TENM3: variants seen among roughly 807,000 people sequenced by gnomAD.
TENM3 encodes the protein teneurin transmembrane protein 3.
In TENM3, 63 loss-of-function variants were observed where a neutral mutation model predicts 255.1. The ratio of observed to expected loss-of-function variants is 0.25; its 90% CI spans 0.20 to 0.30. TENM3 has a LOEUF of 0.30. Ranked by LOEUF, TENM3 falls within the 10% of genes least tolerant of loss-of-function variation. TENM3 has a pLI of 1.00. For synonymous variants in TENM3, 1,306 were observed against 1,322.3 expected, an observed-to-expected ratio of 0.99 and a Z score of 0.27; for missense variants, 2,929 against 3,461.1, an observed-to-expected ratio of 0.85 and a Z score of 3.86.
At chr4:182,644,399 T>C (rs907953278) in intron 5 of TENM3, among the ~76,000 whole-genome samples, 3 of 152,212 alleles carry the variant, frequency 2.0e-5, no homozygotes, top group African/African-American at 4.8e-5. Context: ...TATAATTTTC[T>C]TTAATTACAC....
chr4:181,816,078 T>C, the TENM3 span, among the ~76,000 whole-genome samples: 121 of 152,336 alleles, frequency 7.9e-4, 1 homozygote, highest in African/African-American at 2.8e-3. Flanking sequence ...CCTGCTAACA[T>C]TTTTGTTTCA....
chr4:181,947,371 G>A, the TENM3 span, among the ~76,000 whole-genome samples: 41 of 152,210 alleles, frequency 2.7e-4, 1 homozygote, highest in South Asian at 8.1e-3. Context: ...TTAATAGACA[G>A]GTTTTATGAT....
the TENM3 span, among the ~76,000 whole-genome samples, chr4:181,542,329 G>A: frequency 1.1e-4 from 16 of 152,182 alleles, no homozygotes; most frequent in Non-Finnish European, 2.2e-4. Flanking sequence ...TGCAGAAACA[G>A]CATCTAAATC....
At chr4:182,543,188 GGGATGCATGGAT>G (rs1741067557) in intron 3 of TENM3, among the ~76,000 whole-genome samples, 1 of 150,804 alleles carries the variant, frequency 6.6e-6, no homozygotes, top group Admixed American at 6.6e-5. Context: ...CAAGGATGGA[GGGATGCATGGAT>G]GGATGCAAGG....
chr4:181,469,843 T>C, the TENM3 span, among the ~76,000 whole-genome samples: 1 of 152,286 alleles, frequency 6.6e-6, no homozygotes, highest in East Asian at 1.9e-4. Context: ...ATCTTTATAC[T>C]TAAGCCTTTA....
At chr4:181,608,557 G>A in the TENM3 span, among the ~76,000 whole-genome samples, 8 of 150,864 alleles carry the variant, frequency 5.3e-5, no homozygotes, top group South Asian at 4.2e-4. Flanking sequence ...GGATTGGACC[G>A]GCTAATTTTA....
At chr4:182,075,606 G>T in the TENM3 span, among the ~76,000 whole-genome samples, 50 of 152,208 alleles carry the variant, frequency 3.3e-4, no homozygotes, top group African/African-American at 1.2e-3. Context: ...TCAAGAGATG[G>T]CCTCTGTGGT....
the TENM3 span, among the ~76,000 whole-genome samples, chr4:181,501,581 G>GT: frequency 6.6e-6 from 1 of 151,836 alleles, no homozygotes; most frequent in Admixed American, 6.6e-5. Flanking sequence ...GGTTTCACTA[G>GT]GTTGGCCAGG....
the TENM3 span, among the ~76,000 whole-genome samples, chr4:181,699,833 G>T: frequency 6.6e-6 from 1 of 152,310 alleles, no homozygotes; most frequent in South Asian, 2.1e-4. Context: ...CACAATTAAC[G>T]AAAGGCTGCC....
At chr4:181,767,243 C>T in the TENM3 span, among the ~76,000 whole-genome samples, 3 of 121,280 alleles carry the variant, frequency 2.5e-5, no homozygotes, top group Non-Finnish European at 4.9e-5. Context: ...GAGTGCGAGA[C>T]TCCGTCTCAA....
intron 24 of TENM3, among the ~76,000 whole-genome samples, chr4:182,782,920 C>G (rs1242975530): frequency 6.6e-6 from 1 of 151,524 alleles, no homozygotes; most frequent in East Asian, 1.9e-4. Context: ...AGATCTTCCT[C>G]CATCCTTTTA....
chr4:182,473,907 A>G (rs929417185), intron 3 of TENM3, among the ~76,000 whole-genome samples: 1 of 151,200 alleles, frequency 6.6e-6, no homozygotes, highest in Middle Eastern at 3.4e-3. Context: ...GCAGTGAGCT[A>G]TGATTGTGCC....
At chr4:181,732,354 C>T in the TENM3 span, among the ~76,000 whole-genome samples, 1 of 152,200 alleles carries the variant, frequency 6.6e-6, no homozygotes, top group African/African-American at 2.4e-5. Context: ...AAACATCCCT[C>T]TACTAACTTG....
At chr4:182,692,958 C>T (rs552380976) in intron 12 of TENM3, among the ~76,000 whole-genome samples, 1 of 151,918 alleles carries the variant, frequency 6.6e-6, no homozygotes, top group Admixed American at 6.5e-5. Context: ...AGGATTTTTT[C>T]GCTGTTGATA....
At chr4:182,598,151 A>G (rs1747459256) in intron 3 of TENM3, among the ~76,000 whole-genome samples, 1 of 152,238 alleles carries the variant, frequency 6.6e-6, no homozygotes, top group Non-Finnish European at 1.5e-5. Context: ...ACTGCACCCC[A>G]GCCTGGGCAA....
At chr4:182,089,022 A>G in the TENM3 span, among the ~76,000 whole-genome samples, 52 of 152,188 alleles carry the variant, frequency 3.4e-4, no homozygotes, top group African/African-American at 8.2e-4. Flanking sequence ...GCACACTTAA[A>G]ATTAGTCCCT....
chr4:181,945,474 A>G, the TENM3 span, among the ~76,000 whole-genome samples: 3 of 152,020 alleles, frequency 2.0e-5, no homozygotes, highest in Non-Finnish European at 4.4e-5. Context: ...GAATTGGCCT[A>G]AGGCTATTTA....
chr4:182,622,615 C>T (rs1451398771), intron 4 of TENM3, among the ~76,000 whole-genome samples: 2 of 152,200 alleles, frequency 1.3e-5, no homozygotes, highest in African/African-American at 4.8e-5. Flanking sequence ...AGCTAAAACA[C>T]ACATCCCAGG....
chr4:182,201,167 A>T (rs1240301552), intron 1 of TENM3, among the ~76,000 whole-genome samples: 10 of 152,180 alleles, frequency 6.6e-5, no homozygotes, highest in African/African-American at 2.4e-4. Context: ...CCACTACTTT[A>T]AATAACCAGA....
Sources: allele counts gnomAD v4.1 joint callset (sites outside exome capture counted in the v4.1 genomes callset), GRCh38; gene constraint gnomAD v4.1.1; transcripts MANE v1.5; gene names NCBI Gene and HGNC (gene_info 2026-07-23, HGNC 2026-07-21).